The following HERC3 variants were observed in gnomAD, a reference collection of about 807,000 sequenced individuals.
The protein encoded by HERC3 is HECT and RLD domain containing E3 ubiquitin protein ligase 3.
HERC3 carries 58 observed loss-of-function variants against 129.9 expected under a neutral mutation model. The observed-to-expected ratio is 0.45, with a 90% CI of 0.36 to 0.56. HERC3 has a LOEUF of 0.56. Among genes scored for constraint, HERC3 ranks in the 20% least tolerant of loss-of-function variants. The pLI is 0.00. For synonymous variants in HERC3, 430 were observed against 451.0 expected, an observed-to-expected ratio of 0.95 and a Z score of 0.59; for missense variants, 835 against 1,244.2, an observed-to-expected ratio of 0.67 and a Z score of 4.95.
chr4:88,597,540 A>T (rs749178791), intron 2 of HERC3, among the ~76,000 whole-genome samples: 21 of 152,176 alleles, frequency 1.4e-4, no homozygotes, highest in Non-Finnish European at 2.8e-4. Flanking sequence ...TGCTTATGCC[A>T]GTTTATATTC....
At chr4:88,565,516 G>T in the HERC3 span, among the ~76,000 whole-genome samples, 1 of 151,854 alleles carries the variant, frequency 6.6e-6, no homozygotes, top group Non-Finnish European at 1.5e-5. Flanking sequence ...TTTTTGTCTT[G>T]AAATCTATTT....
At chr4:88,694,036 C>T (rs796071729) in intron 23 of HERC3, among the ~76,000 whole-genome samples, 7 of 152,296 alleles carry the variant, frequency 4.6e-5, no homozygotes, top group African/African-American at 1.7e-4. Flanking sequence ...CTTGACGTCA[C>T]AAACATCCCT....
At chr4:88,576,056 A>G in the HERC3 span, among the ~76,000 whole-genome samples, 4 of 152,196 alleles carry the variant, frequency 2.6e-5, no homozygotes, top group Admixed American at 2.6e-4. Context: ...CAAGCCAGCA[A>G]TCTAGGACTT....
chr4:88,626,480 T>C (rs1435404470), intron 3 of HERC3, among the ~76,000 whole-genome samples: 1 of 152,188 alleles, frequency 6.6e-6, no homozygotes, highest in Non-Finnish European at 1.5e-5. Flanking sequence ...ATTATTTGTT[T>C]TTTCAGCTTT....
chr4:88,542,803 A>G, the HERC3 span, among the ~76,000 whole-genome samples: 3 of 152,228 alleles, frequency 2.0e-5, no homozygotes, highest in Admixed American at 6.5e-5. Context: ...CAATAAACGT[A>G]ATCCAGCACA....
At chr4:88,538,949 G>T in the HERC3 span, among the ~76,000 whole-genome samples, 1 of 152,088 alleles carries the variant, frequency 6.6e-6, no homozygotes, top group Non-Finnish European at 1.5e-5. Context: ...ATCTCCACTT[G>T]CTTCCAAGAT....
chr4:88,697,322 C>T (rs1253186333), intron 23 of HERC3: 4 of 1,613,582 alleles, frequency 2.5e-6, no homozygotes, highest in African/African-American at 1.3e-5. Context: ...TCGTCATCCT[C>T]GTACTCCTCT....
intron 3 of HERC3, among the ~76,000 whole-genome samples, chr4:88,649,346 T>A (rs1017980686): frequency 2.0e-5 from 3 of 152,190 alleles, no homozygotes; most frequent in Admixed American, 1.3e-4. Flanking sequence ...GTTTCCTGGC[T>A]GGATACAGAC....
At chr4:88,575,698 CAATT>C in the HERC3 span, among the ~76,000 whole-genome samples, 3 of 152,182 alleles carry the variant, frequency 2.0e-5, no homozygotes, top group Admixed American at 6.5e-5. Context: ...TTATCACTAT[CAATT>C]GATGCATGAA....
At chr4:88,647,275 C>G (rs1728793621) in intron 3 of HERC3, among the ~76,000 whole-genome samples, 1 of 152,112 alleles carries the variant, frequency 6.6e-6, no homozygotes, top group Non-Finnish European at 1.5e-5. Flanking sequence ...AGTATTCTGT[C>G]AGGATAGTGG....
intron 16 of HERC3, among the ~76,000 whole-genome samples, chr4:88,673,707 G>A (rs1320714299): frequency 6.6e-6 from 1 of 152,036 alleles, no homozygotes; most frequent in African/African-American, 2.4e-5. Flanking sequence ...ACCAGTGTGA[G>A]TACAATTTCT....
chr4:88,561,541 T>A, the HERC3 span, among the ~76,000 whole-genome samples: 1 of 152,154 alleles, frequency 6.6e-6, no homozygotes, highest in Non-Finnish European at 1.5e-5. Flanking sequence ...TTGGTTATTT[T>A]AAAATGAACA....
chr4:88,582,341 A>G, the HERC3 span, among the ~76,000 whole-genome samples: 1 of 152,150 alleles, frequency 6.6e-6, no homozygotes, highest in South Asian at 2.1e-4. Flanking sequence ...CTCTCCATAG[A>G]CAATGTTGGG....
chr4:88,697,352 C>G, intron 23 of HERC3: 1 of 1,614,048 alleles, frequency 6.2e-7, no homozygotes, highest in Non-Finnish European at 8.5e-7. Flanking sequence ...TCCTCCCCCT[C>G]CAAGGTCCAT....
In HERC3 at chr4:88,653,183, G is replaced by C. The variant is rs1428107021; in HGVS notation, c.685+93G>C. 3.3e-6 allele frequency: 4 copies of C among 1,216,038 alleles called. No homozygotes were observed. The Admixed American group carries it at 8.0e-5, about 24-fold the overall frequency. The allele number at this position is 1,216,038 out of a possible 1,614,324, so 75.3% of individuals were successfully genotyped here. A position where few individuals can be genotyped will look rare whatever the true frequency, so the allele number is the denominator to read the frequency against. On this transcript the variant is annotated intron_variant, in intron 6 of 25. Coordinates refer to ENST00000402738, the MANE Select transcript of HERC3 (RefSeq NM_014606.3). The stretch of plus-strand genomic sequence containing the variant: ...GATCTACTATGTGCTAGCCCCATGT[G>C]AGATACTAAGGGAGAAGCAGTGAAC...
At chr4:88,551,282 T>C in the HERC3 span, among the ~76,000 whole-genome samples, 1 of 151,404 alleles carries the variant, frequency 6.6e-6, no homozygotes, top group Non-Finnish European at 1.5e-5. Context: ...AATTGACAAA[T>C]GGGATCTAAT....
intron 3 of HERC3, among the ~76,000 whole-genome samples, chr4:88,640,493 A>T (rs1263603858): frequency 6.6e-6 from 1 of 152,176 alleles, no homozygotes; most frequent in Non-Finnish European, 1.5e-5. Context: ...CAAACACCAC[A>T]TGTTCTCACT....
intron 3 of HERC3, among the ~76,000 whole-genome samples, chr4:88,638,584 C>A (rs1020055720): frequency 2.0e-5 from 3 of 152,230 alleles, no homozygotes; most frequent in African/African-American, 7.2e-5. Flanking sequence ...ATTGATGGAA[C>A]ATATCTCAAA....
chr4:88,699,772 A>AT (rs1375932816), intron 23 of HERC3, among the ~76,000 whole-genome samples: 1 of 152,134 alleles, frequency 6.6e-6, no homozygotes, highest in Non-Finnish European at 1.5e-5. Context: ...ATCTTTCAAG[A>AT]TTTTTATTTT....
Sources: gnomAD v4.1 joint callset for allele counts (sites outside exome capture counted in the v4.1 genomes callset) on GRCh38, gnomAD v4.1.1 for gene constraint, MANE v1.5 for transcripts, NCBI Gene and HGNC (gene_info 2026-07-23, HGNC 2026-07-21) for gene names.